The following ZNF558 variants were observed in gnomAD, a reference collection of about 807,000 sequenced individuals.
The protein encoded by ZNF558 is zinc finger protein 558.
In ZNF558, 23 loss-of-function variants were observed where a neutral mutation model predicts 37.6. The observed-to-expected ratio is 0.61, with a 90% CI of 0.44 to 0.87. ZNF558 has a LOEUF of 0.87. ZNF558 is among the 40% of genes least tolerant of loss of function. ZNF558 has a pLI of 0.00. For synonymous variants in ZNF558, 189 were observed against 174.4 expected (o/e 1.08, Z -0.66); for missense variants, 429 against 483.7 (o/e 0.89, Z 1.06).
intron 2 of ZNF558, chr19:8,831,088 T>C (rs2145317663): frequency 6.6e-6 from 1 of 152,350 alleles, no homozygotes; most frequent in Middle Eastern, 3.4e-3. Context: ...ATCTTTACGT[T>C]ATTTGTATGT....
intron 7 of ZNF558, among the ~76,000 whole-genome samples, chr19:8,813,441 C>T (rs577683036): frequency 4.9e-4 from 75 of 152,250 alleles, no homozygotes; most frequent in Non-Finnish European, 9.8e-4. Flanking sequence ...TCACTGCAAC[C>T]TCTGCCTTCC....
Position 8,821,228 on chromosome 19 carries a change from G to A in ZNF558, c.199C>T (p.Leu67=), listed in dbSNP as rs370218716. 8 of 1,614,064 alleles carry A rather than the reference G, an allele frequency of 5.0e-6. No homozygotes were observed. The African/African-American group carries it at 1.1e-4, about 22-fold the overall frequency. The part of the protein sequence containing the change: ...WALLDPAQRT[L]YRDVMLENCR... ...TTCTCCAGCATCACATCCCTGTACA[G>A]TGTCCTTTGGGCAGGGTCCAGCAAC... The change falls in exon 7 of 10, where the codon CTG becomes TTG. Residue 67 remains leucine (L), a synonymous_variant. Transcript: ENST00000601372.
In ZNF558 at chr19:8,822,165, C is replaced by T. The variant is rs1396188792; in HGVS notation, c.32-74G>A. ...ACAGATCTGCCCCTGATTGACCACACCCACCTCCCACACCCACACGGATGA... is the reference window on the plus strand; with the variant it reads ...ACAGATCTGCCCCTGATTGACCACATCCACCTCCCACACCCACACGGATGA... On this transcript the variant is annotated intron_variant, in intron 5 of 9. Coordinates refer to ENST00000601372, the MANE Select transcript of ZNF558 (RefSeq NM_144693.3). This position sits in a 1 kb window ranked among gnomAD's most constrained non-coding sequence, Gnocchi z 4.4. 6.4e-7 allele frequency: 1 copy of T among 1,570,392 alleles called. No individual in the cohort carries two copies. Among genetic ancestry groups the T allele is most frequent in the Non-Finnish European group, 8.7e-7 (1 of 1,146,540 alleles).
intron 8 of ZNF558, among the ~76,000 whole-genome samples, 160 bp downstream of exon 8, chr19:8,812,967 G>A (rs2043833018): frequency 1.3e-5 from 2 of 152,166 alleles, no homozygotes; most frequent in East Asian, 3.9e-4. Flanking sequence ...GAAAAGAAAG[G>A]ACATGAGGAA....
rs1325814174 is a variant in ZNF558 at position 8,809,876 on chromosome 19, T to G, written c.*1405A>C. 3 of 152,186 alleles carry G rather than the reference T, an allele frequency of 2.0e-5. No individual in the cohort carries two copies. The highest frequency in any genetic ancestry group is 7.2e-5 in the African/African-American group (3 of 41,462). The allele number at this position is 152,186 out of a possible 1,614,324, so 9.4% of individuals were successfully genotyped here. ...CAGTGATTATACTTTTTGTTCCCAGTGAAAATTGTGGCCACTCAGTGAAGA... is the reference window on the plus strand; with the variant it reads ...CAGTGATTATACTTTTTGTTCCCAGGGAAAATTGTGGCCACTCAGTGAAGA... On this transcript the variant is annotated 3_prime_UTR_variant, in exon 10 of 10. Transcript: ENST00000601372.
At chr19:8,815,872 G>A (rs765751618) in intron 7 of ZNF558, among the ~76,000 whole-genome samples, 3 of 151,894 alleles carry the variant, frequency 2.0e-5, no homozygotes, top group Non-Finnish European at 2.9e-5. Context: ...GGATACCATC[G>A]AACCTACCAA....
chr19:8,822,785 T>TGGGTTGAGGA lies in ZNF558; in HGVS notation c.-65-62_-65-61insTCCTCAACCC. The TGGGTTGAGGA allele has an allele frequency of 2.1e-6, 3 of 1,459,278 alleles. No homozygotes were observed. Among genetic ancestry groups the TGGGTTGAGGA allele is most frequent in the Non-Finnish European group, 2.8e-6 (3 of 1,054,576 alleles). The allele number at this position is 1,459,278 out of a possible 1,614,324, so 90.4% of individuals were successfully genotyped here. ...CTCCTCCCTCTCGGGCTGCTGGGGA[T>TGGGTTGAGGA]GGGCCCTCCTCAACCCATCCTTCCC... On this transcript the variant is annotated intron_variant, in intron 4 of 9. Coordinates refer to ENST00000601372, the MANE Select transcript of ZNF558 (RefSeq NM_144693.3). This position sits in a 1 kb window ranked among gnomAD's most constrained non-coding sequence, Gnocchi z 4.4.
rs1176963247 is a variant in ZNF558, at chr19:8,808,424, A to T, written c.*2857T>A. 3.3e-5 allele frequency: 5 copies of T among 152,066 alleles called. No homozygotes were observed. The highest frequency in any genetic ancestry group is 5.9e-5 in the Non-Finnish European group (4 of 68,006). 9.4% of individuals were successfully genotyped at this position (152,066 alleles called of 1,614,324 possible). ...AGGAATACAGAATACCTAATCCTGT[A>T]TGCATCTAGTTACATAATGTCAAAA... On this transcript the variant is annotated 3_prime_UTR_variant, in exon 10 of 10. Coordinates refer to ENST00000601372, the MANE Select transcript of ZNF558 (RefSeq NM_144693.3).
At chr19:8,819,169 G>C (rs1007015866) in intron 7 of ZNF558, among the ~76,000 whole-genome samples, 1 of 152,148 alleles carries the variant, frequency 6.6e-6, no homozygotes, top group Non-Finnish European at 1.5e-5. Context: ...AGATACAACA[G>C]ACTTCATCAC....
At chr19:8,837,486 A>G in the ZNF558 span, among the ~76,000 whole-genome samples, 11 of 152,338 alleles carry the variant, frequency 7.2e-5, no homozygotes, top group Admixed American at 4.6e-4. Context: ...TGTAACCCAC[A>G]AAGTCTAGGA....
intron 7 of ZNF558, among the ~76,000 whole-genome samples, chr19:8,814,134 A>G (rs1371613212): frequency 6.6e-6 from 1 of 152,266 alleles, no homozygotes; most frequent in Non-Finnish European, 1.5e-5. Flanking sequence ...ATGCCTTCTC[A>G]GAAAACCCAG....
At chr19:8,826,215 G>A (rs565849360) in intron 2 of ZNF558, among the ~76,000 whole-genome samples, 4 of 152,110 alleles carry the variant, frequency 2.6e-5, no homozygotes, top group Non-Finnish European at 5.9e-5. Flanking sequence ...GACTGGTTTC[G>A]TGGAAGACAA....
At chr19:8,815,939 TG>T (rs57138557) in intron 7 of ZNF558, among the ~76,000 whole-genome samples, 5,674 of 152,040 alleles carry the variant, frequency 0.037, 377 homozygotes, top group African/African-American at 0.13. Context: ...GTGAGAAGGT[TG>T]AAGAAATAAT....
intron 2 of ZNF558, among the ~76,000 whole-genome samples, chr19:8,828,990 G>T (rs1482156029): frequency 1.3e-5 from 2 of 150,906 alleles, no homozygotes; most frequent in Non-Finnish European, 3.0e-5. Flanking sequence ...GGCCGGGTGT[G>T]GTGGCTCATG....
intron 3 of ZNF558, 125 bp from the exon 4 acceptor site, chr19:8,824,542 G>A (rs2044186546): frequency 6.6e-6 from 1 of 152,222 alleles, no homozygotes; most frequent in Non-Finnish European, 1.5e-5. Context: ...TCCCGATCCT[G>A]CTTCTCAGGG....
chr19:8,810,238 T>A lies in ZNF558; in HGVS notation c.*1043A>T, dbSNP rs1417705813. The A allele has an allele frequency of 6.6e-6, 1 of 152,264 alleles. No homozygotes were observed. Among genetic ancestry groups the A allele is most frequent in the Non-Finnish European group, 1.5e-5 (1 of 68,054 alleles). The allele number at this position is 152,264 out of a possible 1,614,324, so 9.4% of individuals were successfully genotyped here. On this transcript the variant is annotated 3_prime_UTR_variant, in exon 10 of 10. Coordinates refer to ENST00000601372, the MANE Select transcript of ZNF558 (RefSeq NM_144693.3). The stretch of plus-strand genomic sequence containing the variant: ...AGTCCCTTAAAAACCGATAGAACAT[T>A]CAAGGCTTTCCCATAGTCACTGCAG...
At chr19:8,829,923 T>C (rs1160483770) in intron 2 of ZNF558, among the ~76,000 whole-genome samples, 1 of 152,218 alleles carries the variant, frequency 6.6e-6, no homozygotes, top group African/African-American at 2.4e-5. Context: ...CATACTGTTA[T>C]TTCAGAGAAG....
Position 8,810,766 on chromosome 19 carries a change from C to T in ZNF558, c.*515G>A, listed in dbSNP as rs1164853856. 6.5e-6 allele frequency: 1 copy of T among 153,444 alleles called. No homozygotes were observed. Among genetic ancestry groups the T allele is most frequent in the African/African-American group, 2.4e-5 (1 of 41,432 alleles). 9.5% of individuals were successfully genotyped at this position (153,444 alleles called of 1,614,324 possible). A position where few individuals can be genotyped will look rare whatever the true frequency, so the allele number is the denominator to read the frequency against. On this transcript the variant is annotated 3_prime_UTR_variant, in exon 10 of 10. Transcript: ENST00000601372. ...GGATTGGTGTGTTGTGAGACCAACA[C>T]AATAGGAAATAAGTGAAAGCTTAGC...
upstream of ZNF558, chr19:8,832,474 T>A (rs950319205): frequency 3.9e-5 from 6 of 152,582 alleles, no homozygotes; most frequent in African/African-American, 1.4e-4. Context: ...GGTGTTCTAG[T>A]TTGCTTAGTG....
Sources: gnomAD v4.1 joint callset for allele counts (sites outside exome capture counted in the v4.1 genomes callset) on GRCh38, gnomAD v4.1.1 for gene constraint, Gnocchi (gnomAD v3.1) non-coding constraint, MANE v1.5 for transcripts, NCBI Gene and HGNC (gene_info 2026-07-23, HGNC 2026-07-21) for gene names.